The following CNTN3 variants were observed in gnomAD, a reference collection of about 807,000 sequenced individuals.
The protein encoded by CNTN3 is contactin-3.
CNTN3 carries 60 observed loss-of-function variants against 119.1 expected under a neutral mutation model. The ratio of observed to expected loss-of-function variants is 0.50; its 90% CI spans 0.41 to 0.62. CNTN3 has a LOEUF of 0.62. CNTN3 is among the 20% of genes least tolerant of loss of function. The pLI, the probability that CNTN3 is intolerant of heterozygous loss-of-function variation, is 0.00. For missense variants in CNTN3, 1,101 were observed against 1,242.4 expected (o/e 0.89, Z 1.71); for synonymous variants, 450 against 438.7 (o/e 1.03, Z -0.32).
intron 11 of CNTN3, among the ~76,000 whole-genome samples, chr3:74,355,940 A>G (rs1380004645): frequency 6.6e-6 from 1 of 152,020 alleles, no homozygotes; most frequent in African/African-American, 2.4e-5. Context: ...ATGGCACCTT[A>G]AAATGGAGGC....
At chr3:74,301,052 C>T (rs938618667) in intron 16 of CNTN3, among the ~76,000 whole-genome samples, 3 of 152,320 alleles carry the variant, frequency 2.0e-5, no homozygotes, top group South Asian at 4.1e-4. Flanking sequence ...CATTATCCTA[C>T]CAATTTGCCA....
At chr3:74,311,398 A>G (rs565131904) in intron 13 of CNTN3, among the ~76,000 whole-genome samples, 92 of 152,346 alleles carry the variant, frequency 6.0e-4, no homozygotes, top group Non-Finnish European at 9.6e-4. Context: ...TTTTAAAGTT[A>G]GGATAAGAAA....
chr3:74,501,578 A>G (rs1162119778), intron 2 of CNTN3, among the ~76,000 whole-genome samples: 1 of 152,116 alleles, frequency 6.6e-6, no homozygotes, highest in African/African-American at 2.4e-5. Context: ...ATCAAAAATG[A>G]GGATAGTTTA....
chr3:74,382,215 A>C (rs987021634), intron 5 of CNTN3, among the ~76,000 whole-genome samples: 1 of 152,168 alleles, frequency 6.6e-6, no homozygotes, highest in Non-Finnish European at 1.5e-5. Context: ...CCTAAAAAAA[A>C]ACTAATAATA....
intron 19 of CNTN3, among the ~76,000 whole-genome samples, chr3:74,293,070 T>C (rs913224839): frequency 6.6e-6 from 1 of 152,246 alleles, no homozygotes; most frequent in African/African-American, 2.4e-5. Context: ...CAGGCTTCTC[T>C]GTCAAGACCA....
At position 74,279,638 on chromosome 3, in the gene CNTN3, G is replaced by A. The variant is rs1032795082; in HGVS notation, c.2704+5667C>T. On this transcript the variant is annotated intron_variant, in intron 20 of 22. Transcript: ENST00000263665. ...ATACAATGGACTTTCGGGACTTGGG[G>A]GGAAGGTTGGGAGGGGGGCAAGGGA... Among the ~76,000 whole-genome samples the A allele has an allele frequency of 2.6e-5, 4 of 151,414 alleles. No homozygotes were observed. The East Asian group carries it at 5.9e-4, about 22-fold the overall frequency.
intron 20 of CNTN3, 35 bp from the exon 21 acceptor site, chr3:74,267,413 C>T (rs757783611): frequency 2.8e-6 from 4 of 1,431,088 alleles, no homozygotes; most frequent in East Asian, 2.3e-5. Flanking sequence ...TAAAACAGAT[C>T]GAAGTACAAG....
intron 1 of CNTN3, among the ~76,000 whole-genome samples, chr3:74,600,648 G>A (rs1296115903): frequency 2.0e-5 from 3 of 151,940 alleles, no homozygotes; most frequent in African/African-American, 7.2e-5. Flanking sequence ...TTCAAAACAG[G>A]CCATGACCTC....
intron 1 of CNTN3, among the ~76,000 whole-genome samples, chr3:74,588,437 T>G (rs1359897902): frequency 6.6e-6 from 1 of 151,970 alleles, no homozygotes; most frequent in Non-Finnish European, 1.5e-5. Context: ...TACAAACCAC[T>G]GCTCAAGGAA....
chr3:74,567,047 G>A (rs991187055), intron 1 of CNTN3, among the ~76,000 whole-genome samples: 2 of 152,116 alleles, frequency 1.3e-5, no homozygotes, highest in African/African-American at 4.8e-5. Context: ...GAGCAGGCTG[G>A]AGAGCGTAGC....
At chr3:74,605,788 C>T (rs984629779) in intron 1 of CNTN3, among the ~76,000 whole-genome samples, 7 of 152,106 alleles carry the variant, frequency 4.6e-5, no homozygotes, top group Admixed American at 2.0e-4. Context: ...TTCACAATAA[C>T]GTCAGTTGAG....
intron 5 of CNTN3, among the ~76,000 whole-genome samples, chr3:74,416,183 A>T (rs1701517462): frequency 6.8e-6 from 1 of 146,622 alleles, no homozygotes; most frequent in Admixed American, 6.6e-5. Context: ...CAGGGTACAG[A>T]AAGAAAGTAT....
At chr3:74,454,576 C>T (rs1702229800) in intron 4 of CNTN3, among the ~76,000 whole-genome samples, 1 of 151,516 alleles carries the variant, frequency 6.6e-6, no homozygotes, top group South Asian at 2.1e-4. Context: ...GGTTATTTTG[C>T]TCGTTAGTTG....
At chr3:74,540,569 C>T (rs946910793) in intron 1 of CNTN3, among the ~76,000 whole-genome samples, 1 of 152,134 alleles carries the variant, frequency 6.6e-6, no homozygotes, top group African/African-American at 2.4e-5. Flanking sequence ...AATCTTCACA[C>T]TAACAGGGTA....
intron 4 of CNTN3, among the ~76,000 whole-genome samples, chr3:74,438,545 CT>C (rs920569128): frequency 5.2e-4 from 79 of 152,308 alleles, no homozygotes; most frequent in African/African-American, 1.8e-3. Flanking sequence ...TTGCTTTCTC[CT>C]TTGAGGCCTT....
intron 1 of CNTN3, among the ~76,000 whole-genome samples, chr3:74,613,728 T>C (rs1359015340): frequency 1.3e-5 from 2 of 152,184 alleles, no homozygotes; most frequent in Admixed American, 1.3e-4. Context: ...CCTGGTTTTC[T>C]GTTTCTGCTA....
intron 22 of CNTN3, among the ~76,000 whole-genome samples, chr3:74,265,855 G>A (rs1701652369): frequency 6.6e-6 from 1 of 152,118 alleles, no homozygotes; most frequent in African/African-American, 2.4e-5. Flanking sequence ...CTCCAGACCT[G>A]GGATTTAAGA....
At chr3:74,353,531 T>C (rs553950143) in intron 11 of CNTN3, among the ~76,000 whole-genome samples, 3 of 152,128 alleles carry the variant, frequency 2.0e-5, no homozygotes, top group South Asian at 2.1e-4. Context: ...CCGAGACGGG[T>C]GGATCACGAG....
At chr3:74,397,590 TA>T (rs1222547226) in intron 5 of CNTN3, among the ~76,000 whole-genome samples, 2 of 152,038 alleles carry the variant, frequency 1.3e-5, no homozygotes, top group African/African-American at 4.8e-5. Flanking sequence ...ATAGGCCAAT[TA>T]ATAATCCTAC....
Sources: allele counts gnomAD v4.1 joint callset (sites outside exome capture counted in the v4.1 genomes callset), GRCh38; gene constraint gnomAD v4.1.1; transcripts MANE v1.5; gene names NCBI Gene and HGNC (gene_info 2026-07-23, HGNC 2026-07-21).